CDH6: variants seen among roughly 807,000 people sequenced by gnomAD.
The protein encoded by CDH6 is cadherin-6.
A neutral mutation model predicts 78.0 loss-of-function variants in CDH6; 31 were observed. That is an observed-to-expected ratio of 0.40 (90% confidence interval 0.30 to 0.54). The LOEUF is 0.54. Ranked by LOEUF, CDH6 falls within the 20% of genes least tolerant of loss-of-function variation. The pLI, the probability that CDH6 is intolerant of heterozygous loss-of-function variation, is 0.56. For synonymous variants in CDH6, 376 were observed against 368.8 expected (o/e 1.02, Z -0.23); for missense variants, 724 against 975.9 (o/e 0.74, Z 3.44).
intron 1 of CDH6, among the ~76,000 whole-genome samples, chr5:31,194,717 G>A (rs1740115771): frequency 6.6e-6 from 1 of 152,164 alleles, no homozygotes; most frequent in Admixed American, 6.5e-5. Context: ...AGTGGTTGGA[G>A]TGCGCTTGGT....
Position 31,265,655 on chromosome 5 carries a change from A to T in CDH6, c.-128-1691A>T, listed in dbSNP as rs529966507. ...AAATACTAATCAGATTACCTAAAACATGTTCTTGATCTGCATGGTTTAGAG... is the reference window on the plus strand; with the variant it reads ...AAATACTAATCAGATTACCTAAAACTTGTTCTTGATCTGCATGGTTTAGAG... On this transcript the variant is annotated intron_variant, in intron 1 of 11. Coordinates refer to ENST00000265071, the MANE Select transcript of CDH6 (RefSeq NM_004932.4). 2.0e-5 allele frequency among the ~76,000 whole-genome samples: 3 copies of T among 151,782 alleles called. No homozygotes were observed. The East Asian group carries it at 5.8e-4, about 29-fold the overall frequency.
At chr5:31,203,816 T>C (rs1740438259) in intron 1 of CDH6, among the ~76,000 whole-genome samples, 1 of 151,742 alleles carries the variant, frequency 6.6e-6, no homozygotes, top group Non-Finnish European at 1.5e-5. Flanking sequence ...CCCTGAGGAA[T>C]CGCCACACTG....
chr5:31,286,298 T>C lies in CDH6; in HGVS notation c.229-7664T>C, dbSNP rs11955402. The stretch of plus-strand genomic sequence containing the variant: ...CATCATCAGCAACAATAGAATGTGC[T>C]GATGGCTAAGTGGGGAATGAATTGA... On this transcript the variant is annotated intron_variant, in intron 2 of 11. Coordinates refer to ENST00000265071, the MANE Select transcript of CDH6 (RefSeq NM_004932.4). Among the ~76,000 whole-genome samples the C allele has an allele frequency of 6.3e-3, 952 of 152,278 alleles. 8 individuals carry two copies. Among genetic ancestry groups the C allele is most frequent in the African/African-American group, 0.022 (912 of 41,566 alleles).
intron 1 of CDH6, among the ~76,000 whole-genome samples, chr5:31,227,764 A>G (rs1305716155): frequency 6.6e-6 from 1 of 152,162 alleles, no homozygotes; most frequent in Non-Finnish European, 1.5e-5. Context: ...CAACATGCCC[A>G]GTCTCCATGC....
At chr5:31,218,773 G>A (rs1374935400) in intron 1 of CDH6, among the ~76,000 whole-genome samples, 2 of 152,090 alleles carry the variant, frequency 1.3e-5, no homozygotes, top group African/African-American at 4.8e-5. Flanking sequence ...GAAATCCAGG[G>A]TCTAACACAG....
chr5:31,252,422 T>C (rs1389821973), intron 1 of CDH6, among the ~76,000 whole-genome samples: 1 of 151,978 alleles, frequency 6.6e-6, no homozygotes, highest in Non-Finnish European at 1.5e-5. Context: ...AATAAACAGC[T>C]TCATGAAGTC....
chr5:31,246,044 A>T (rs1741738556), intron 1 of CDH6, among the ~76,000 whole-genome samples: 1 of 151,476 alleles, frequency 6.6e-6, no homozygotes, highest in Non-Finnish European at 1.5e-5. Flanking sequence ...AGTAGCTGGG[A>T]TTACAGGCAC....
chr5:31,245,899 C>CTTTTTT (rs71612205), intron 1 of CDH6, among the ~76,000 whole-genome samples: 68 of 87,700 alleles, frequency 7.8e-4, no homozygotes, highest in Non-Finnish European at 9.5e-4. Flanking sequence ...CTCTCTCTCT[C>CTTTTTT]TTTTTTTTTT....
rs1490614348 is a variant in CDH6, at chr5:31,305,391, C to T, written c.1217C>T (p.Thr406Ile). 6.2e-7 allele frequency: 1 copy of T among 1,614,110 alleles called. No homozygotes were observed. The highest frequency in any genetic ancestry group is 1.7e-5 in the Admixed American group (1 of 60,024). ...ATAAACACCACAATAGGCTCCGTCA[C>T]AGCCCAAGATCCAGATGCTGCCAGG... ...AQINTTIGSV[T>I]AQDPDAARNP... Residue 406 changes from threonine to isoleucine, a missense_variant, in exon 7 of 12, where the codon ACA becomes ATA. By Grantham distance (89) the Thr-to-Ile change is moderately conservative (BLOSUM62 -1). This residue lies in a region of CDH6 where 446 missense variants were observed against 684.5 expected (regional missense o/e 0.65). Transcript: ENST00000265071.
In CDH6 at chr5:31,326,000, A is replaced by G. The variant is rs1738617276; in HGVS notation, c.*2692A>G. ...TCCCACCCCACCTGAGTATCAGGTC[A>G]AACATCATTGCATGCGCAGGTTTTT... On this transcript the variant is annotated 3_prime_UTR_variant, in exon 12 of 12. Transcript: ENST00000265071. 4.3e-6 allele frequency: 1 copy of G among 232,228 alleles called. No homozygotes were observed. Among genetic ancestry groups the G allele is most frequent in the Non-Finnish European group, 8.5e-6 (1 of 117,544 alleles). The allele number at this position is 232,228 out of a possible 1,614,324, so 14.4% of individuals were successfully genotyped here.
intron 7 of CDH6, among the ~76,000 whole-genome samples, chr5:31,307,102 A>T (rs1038804253): frequency 3.9e-5 from 6 of 152,000 alleles, no homozygotes; most frequent in Admixed American, 3.9e-4. Context: ...GGCCCCAGAG[A>T]GGTTTGATAG....
intron 1 of CDH6, among the ~76,000 whole-genome samples, chr5:31,209,562 C>T (rs891015182): frequency 1.3e-5 from 2 of 152,172 alleles, no homozygotes; most frequent in African/African-American, 4.8e-5. Flanking sequence ...AAGCTACAGT[C>T]ATTCATGCTC....
chr5:31,299,183 G>A (rs1737687759), intron 4 of CDH6, among the ~76,000 whole-genome samples: 1 of 151,910 alleles, frequency 6.6e-6, no homozygotes, highest in Admixed American at 6.6e-5. Flanking sequence ...TTATAATATT[G>A]AGTGTCTTAT....
At chr5:31,316,169 C>T (rs750311047) in intron 8 of CDH6, 39 bp from the exon 9 acceptor site, 1 of 1,582,686 alleles carries the variant, frequency 6.3e-7, no homozygotes, top group Non-Finnish European at 8.6e-7. Flanking sequence ...CGGCAATCAA[C>T]ATGTAAATGC....
intron 1 of CDH6, among the ~76,000 whole-genome samples, chr5:31,210,320 C>T (rs1035772186): frequency 1.3e-5 from 2 of 152,044 alleles, no homozygotes; most frequent in African/African-American, 4.8e-5. Flanking sequence ...TTCGAGTTAA[C>T]ATGGTGAAAC....
rs1009000379 is a variant in CDH6, at chr5:31,324,370, G to C, written c.*1062G>C. ...TCTCACTCTAGGAGTTCAGTGGAGA[G>C]GTTAGAGCCAGCCACACTTGAACCT... is the stretch of plus-strand genomic sequence containing the variant. On this transcript the variant is annotated 3_prime_UTR_variant, in exon 12 of 12. Coordinates refer to ENST00000265071, the MANE Select transcript of CDH6 (RefSeq NM_004932.4). 4.7e-6 allele frequency: 1 copy of C among 214,724 alleles called. No homozygotes were observed. Among genetic ancestry groups the C allele is most frequent in the African/African-American group, 2.3e-5 (1 of 44,316 alleles). The allele number at this position is 214,724 out of a possible 1,614,324, so 13.3% of individuals were successfully genotyped here. A position where few individuals can be genotyped will look rare whatever the true frequency, so the allele number is the denominator to read the frequency against.
chr5:31,275,954 C>T (rs1742678792), intron 2 of CDH6, among the ~76,000 whole-genome samples: 2 of 152,210 alleles, frequency 1.3e-5, no homozygotes, highest in Admixed American at 1.3e-4. Context: ...GGGAGGGGTC[C>T]TCCCTTTGAC....
chr5:31,199,715 ATC>A (rs70953497), intron 1 of CDH6, among the ~76,000 whole-genome samples: 21,852 of 121,498 alleles, frequency 0.18, 2,567 homozygotes, highest in African/African-American at 0.21. Context: ...ATATATATAT[ATC>A]TCAAAGATAA....
chr5:31,312,147 A>T (rs1416325659), intron 7 of CDH6, among the ~76,000 whole-genome samples: 3 of 152,266 alleles, frequency 2.0e-5, no homozygotes, highest in Non-Finnish European at 1.5e-5. Context: ...TCCACTGGAC[A>T]TTGTTTTCTT....
Sources: gnomAD v4.1 joint callset for allele counts (sites outside exome capture counted in the v4.1 genomes callset) on GRCh38, gnomAD v4.1.1 for gene constraint, gnomAD v4.1.1 regional missense constraint, MANE v1.5 for transcripts, NCBI Gene and HGNC (gene_info 2026-07-23, HGNC 2026-07-21) for gene names.